The following NXF2 variants were observed in gnomAD, a reference collection of about 807,000 sequenced individuals.
The protein encoded by NXF2 is TAP-like protein 2.
intron 2 of NXF2, among the ~76,000 whole-genome samples, chrX:102,281,723 G>C (rs1324656663): frequency 1.2e-4 from 10 of 85,423 alleles, no homozygotes; most frequent in African/African-American, 4.2e-4. Flanking sequence ...TCAGTATGTC[G>C]TGTGACCCCC....
chrX:102,293,914 ATAT>A (rs1425136321), intron 2 of NXF2, among the ~76,000 whole-genome samples: 24 of 47,212 alleles, frequency 5.1e-4, no homozygotes, highest in Non-Finnish European at 7.3e-4. Context: ...TTCTCGCCTC[ATAT>A]TATTTTTTCT....
intron 2 of NXF2, among the ~76,000 whole-genome samples, chrX:102,289,519 T>TG (rs1933956824): frequency 2.0e-5 from 1 of 50,286 alleles, no homozygotes; most frequent in Non-Finnish European, 3.7e-5. Context: ...TGAATGGCAT[T>TG]GCCTAGGTTT....
intron 2 of NXF2, among the ~76,000 whole-genome samples, chrX:102,294,097 G>A (rs1337500553): frequency 4.7e-5 from 4 of 84,394 alleles, no homozygotes; most frequent in African/African-American, 1.6e-4. Context: ...GTTAAATGAC[G>A]AGTTAATGGG....
intron 2 of NXF2, among the ~76,000 whole-genome samples, chrX:102,282,398 T>C (rs1356429633): frequency 8.8e-6 from 1 of 114,079 alleles, no homozygotes; most frequent in Non-Finnish European, 1.9e-5. Flanking sequence ...CTCCACACCA[T>C]GCTGCTGTGG....
intron 2 of NXF2, among the ~76,000 whole-genome samples, chrX:102,252,009 T>C (rs5945070): frequency 0.011 from 1,154 of 104,218 alleles, no homozygotes; most frequent in Non-Finnish European, 0.018. Flanking sequence ...TTTTCTTTGG[T>C]TGACATGGAG....
chrX:102,298,803 A>G lies in NXF2; in HGVS notation c.-53-8223A>G, dbSNP rs1181061609. Among the ~76,000 whole-genome samples, 3 of 114,385 alleles carry G rather than the reference A, an allele frequency of 2.6e-5. No homozygotes were observed. The East Asian group carries it at 8.2e-4, about 31-fold the overall frequency. On this transcript the variant is annotated intron_variant, in intron 2 of 22. Transcript: ENST00000625106. ...AGGATCATGATGGAAAATTTTGTCT[A>G]TAGCTAAATAGAAAGCTGAAACTAA...
In NXF2 at chrX:102,282,242, C is replaced by A. The variant is rs1416652150; in HGVS notation, c.-53-24784C>A. On this transcript the variant is annotated intron_variant, in intron 2 of 22. Transcript: ENST00000625106. ...GATCACTGGGATCAGTGATTCCCCT[C>A]TGGCTAGGGCTGCTTTAAATGCTCC... is the stretch of plus-strand genomic sequence containing the variant. 5.8e-3 allele frequency among the ~76,000 whole-genome samples: 606 copies of A among 105,057 alleles called. 1 individual carries two copies. Among genetic ancestry groups the A allele is most frequent in the African/African-American group, 0.02 (565 of 28,748 alleles). 91.2% of individuals were successfully genotyped at this position (105,057 alleles called of 115,157 possible).
intron 2 of NXF2, among the ~76,000 whole-genome samples, chrX:102,294,087 G>A (rs1201471550): frequency 1.2e-5 from 1 of 81,311 alleles, no homozygotes; most frequent in African/African-American, 5.7e-5. Flanking sequence ...TATACCTAAT[G>A]TTAAATGACG....
chrX:102,293,908 C>T (rs1174868632), intron 2 of NXF2, among the ~76,000 whole-genome samples: 1 of 42,309 alleles, frequency 2.4e-5, no homozygotes, highest in Non-Finnish European at 3.8e-5. Context: ...ATTGCTTTCT[C>T]GCCTCATATT....
chrX:102,285,941 G>GTT (rs541008665), intron 2 of NXF2, among the ~76,000 whole-genome samples: 1 of 33,952 alleles, frequency 2.9e-5, no homozygotes. Context: ...GTTTGTTTTT[G>GTT]TTTTTTTTTT....
chrX:102,252,094 G>A (rs1436764452), intron 2 of NXF2, among the ~76,000 whole-genome samples: 3 of 96,741 alleles, frequency 3.1e-5, no homozygotes, highest in Non-Finnish European at 6.2e-5. Flanking sequence ...CCAGGTTCAA[G>A]CAATTCTCCT....
At chrX:102,281,510 A>G (rs1169739228) in intron 2 of NXF2, among the ~76,000 whole-genome samples, 1 of 114,416 alleles carries the variant, frequency 8.7e-6, no homozygotes, top group Non-Finnish European at 1.9e-5. Context: ...AGGTCCTGGA[A>G]CAGGGGCCAC....
At chrX:102,260,063 T>TCTTTC (rs1490465302) in intron 2 of NXF2, 4 of 90,330 alleles carry the variant, frequency 4.4e-5, no homozygotes, top group Admixed American at 2.9e-4. Context: ...GCAACTCTTT[T>TCTTTC]CTTTCCTTTC....
At chrX:102,281,965 C>T (rs1273091331) in intron 2 of NXF2, among the ~76,000 whole-genome samples, 1 of 25,134 alleles carries the variant, frequency 4.0e-5, no homozygotes, top group African/African-American at 8.6e-5. Flanking sequence ...CCCGCCACCA[C>T]GCCCGGCTAA....
chrX:102,294,286 A>G (rs1219065857), intron 2 of NXF2, among the ~76,000 whole-genome samples: 1 of 101,804 alleles, frequency 9.8e-6, no homozygotes, highest in Non-Finnish European at 2.0e-5. Flanking sequence ...GAGAAAAATC[A>G]ATGTGACAGT....
chrX:102,294,252 G>A (rs1468416167), intron 2 of NXF2, among the ~76,000 whole-genome samples: 2 of 103,895 alleles, frequency 1.9e-5, no homozygotes, highest in East Asian at 6.4e-4. Context: ...AAAGACCTAC[G>A]GTAGGAAGCT....
chrX:102,254,546 G>C lies in NXF2; in HGVS notation c.-54+5988G>C, dbSNP rs1431692245. Among the ~76,000 whole-genome samples, 3 of 61,384 alleles carry C rather than the reference G, an allele frequency of 4.9e-5. 1 individual carries two copies. Among genetic ancestry groups the C allele is most frequent in the African/African-American group, 1.8e-4 (3 of 16,770 alleles). The allele number at this position is 61,384 out of a possible 115,157, so 53.3% of individuals were successfully genotyped here. A position where few individuals can be genotyped will look rare whatever the true frequency, so the allele number is the denominator to read the frequency against. Reference sequence around the variant, plus strand: ...CACTCGGCAATGTTTGCCATCTCTTGGCTTTTTGATAATAGCTATCCTAAT... The same window carrying C: ...CACTCGGCAATGTTTGCCATCTCTTCGCTTTTTGATAATAGCTATCCTAAT... On this transcript the variant is annotated intron_variant, in intron 2 of 22. Transcript: ENST00000625106.
intron 2 of NXF2, chrX:102,259,930 GA>G (rs1224519545): frequency 4.7e-5 from 2 of 42,993 alleles, no homozygotes; most frequent in African/African-American, 1.7e-4. Flanking sequence ...CCTGAAAATA[GA>G]AGAAGCCAAG....
At chrX:102,298,614 T>C (rs1226805190) in intron 2 of NXF2, among the ~76,000 whole-genome samples, 3 of 95,491 alleles carry the variant, frequency 3.1e-5, no homozygotes, top group African/African-American at 1.1e-4. Context: ...AGCGTATTCA[T>C]GTGCATAGCC....
Sources: allele counts gnomAD v4.1 joint callset (sites outside exome capture counted in the v4.1 genomes callset), GRCh38; gene constraint gnomAD v4.1.1; transcripts MANE v1.5; gene names NCBI Gene and HGNC (gene_info 2026-07-23, HGNC 2026-07-21).